Variants in GHR observed in about 807,000 individuals in gnomAD.
GHR encodes the protein growth hormone receptor.
A neutral mutation model predicts 67.1 loss-of-function variants in GHR; 35 were observed. The ratio of observed to expected loss-of-function variants is 0.52; its 90% CI spans 0.40 to 0.69. The LOEUF is 0.69. Among genes scored for constraint, GHR ranks in the 30% least tolerant of loss-of-function variants. GHR has a pLI of 0.00. For synonymous variants in GHR, 272 were observed against 269.1 expected, an observed-to-expected ratio of 1.01 and a Z score of -0.10; for missense variants, 792 against 764.6, an observed-to-expected ratio of 1.04 and a Z score of -0.42.
rs537810885 is a variant in GHR at position 42,571,534 on chromosome 5, G to A, written c.70+5590G>A. 1.1e-4 allele frequency among the ~76,000 whole-genome samples: 16 copies of A among 152,280 alleles called. No individual in the cohort carries two copies. The South Asian group carries it at 3.3e-3, about 32-fold the overall frequency. On this transcript the variant is annotated intron_variant, in intron 2 of 9. Coordinates refer to ENST00000230882, the MANE Select transcript of GHR (RefSeq NM_000163.5). Reference sequence around the variant, plus strand: ...TTGAGAACAGCAGAGCCATGTGCTGGGCAGAGTCTGGGAGGTTGGTTAGGC... The same window carrying A: ...TTGAGAACAGCAGAGCCATGTGCTGAGCAGAGTCTGGGAGGTTGGTTAGGC...
intron 3 of GHR, among the ~76,000 whole-genome samples, chr5:42,686,035 G>T (rs946828382): frequency 6.6e-6 from 1 of 152,138 alleles, no homozygotes; most frequent in African/African-American, 2.4e-5. Flanking sequence ...TTCCTGAATG[G>T]TATTGCCTAG....
At chr5:42,514,335 G>GAT in intron 1 of GHR, 2 of 806,254 alleles carry the variant, frequency 2.5e-6, no homozygotes, top group Middle Eastern at 6.7e-4. Flanking sequence ...CCCTTGTTGA[G>GAT]ATCTCCAGCC....
chr5:42,637,558 C>T (rs992717619), intron 3 of GHR, among the ~76,000 whole-genome samples: 7 of 152,084 alleles, frequency 4.6e-5, no homozygotes, highest in East Asian at 1.9e-4. Flanking sequence ...TATGGTATTT[C>T]GTTTTCTGTT....
chr5:42,552,268 A>C (rs557555180), intron 1 of GHR, among the ~76,000 whole-genome samples: 1 of 152,358 alleles, frequency 6.6e-6, no homozygotes, highest in South Asian at 2.1e-4. Flanking sequence ...CATGTTACAA[A>C]GATAGACTGG....
intron 2 of GHR, among the ~76,000 whole-genome samples, chr5:42,610,156 G>A (rs1173586077): frequency 2.6e-5 from 4 of 152,166 alleles, no homozygotes; most frequent in Non-Finnish European, 5.9e-5. Flanking sequence ...AGGAATGTAA[G>A]GATAGCATGT....
At chr5:42,609,900 G>C (rs931255792) in intron 2 of GHR, among the ~76,000 whole-genome samples, 2 of 152,118 alleles carry the variant, frequency 1.3e-5, no homozygotes, top group Non-Finnish European at 2.9e-5. Context: ...CAGTGACTAA[G>C]AAAAACCTTA....
chr5:42,682,212 G>T (rs555025353), intron 3 of GHR, among the ~76,000 whole-genome samples: 64 of 152,262 alleles, frequency 4.2e-4, no homozygotes, highest in African/African-American at 1.4e-3. Flanking sequence ...TTAACTCATT[G>T]TTCTTAGTGA....
At chr5:42,595,426 A>G (rs945455338) in intron 2 of GHR, among the ~76,000 whole-genome samples, 5 of 152,244 alleles carry the variant, frequency 3.3e-5, no homozygotes, top group African/African-American at 1.2e-4. Context: ...TTTGGCCACC[A>G]GGAAGACAGG....
rs541930376 is a variant in GHR, at chr5:42,474,752, G to A, written c.-12+50797G>A. 3.9e-5 allele frequency among the ~76,000 whole-genome samples: 6 copies of A among 151,922 alleles called. No homozygotes were observed. In the South Asian group the frequency reaches 6.2e-4, roughly 16 times the overall value. On this transcript the variant is annotated intron_variant, in intron 1 of 9. Transcript: ENST00000230882. Reference sequence around the variant, plus strand: ...ATACAAGACAATCAAAGAGGAATGGGTAGTTTTCTAAAGAGTAAAACCTGT... The same window carrying A: ...ATACAAGACAATCAAAGAGGAATGGATAGTTTTCTAAAGAGTAAAACCTGT...
chr5:42,592,093 C>G (rs1328116104), intron 2 of GHR, among the ~76,000 whole-genome samples: 1 of 152,070 alleles, frequency 6.6e-6, no homozygotes, highest in East Asian at 1.9e-4. Flanking sequence ...ACAGTTCCTT[C>G]AAAGGGTCTG....
At chr5:42,675,607 A>C (rs1374789717) in intron 3 of GHR, among the ~76,000 whole-genome samples, 11 of 152,242 alleles carry the variant, frequency 7.2e-5, no homozygotes, top group Non-Finnish European at 2.9e-5. Context: ...AACCAGGATA[A>C]ATTGTATTCA....
At chr5:42,713,793 T>C (rs941627969) in intron 8 of GHR, 5 of 363,274 alleles carry the variant, frequency 1.4e-5, no homozygotes, top group Non-Finnish European at 2.1e-5. Flanking sequence ...TTGTGATATG[T>C]ACCTCTTTAT....
intron 2 of GHR, among the ~76,000 whole-genome samples, chr5:42,609,940 T>A (rs1489512783): frequency 6.6e-6 from 1 of 152,178 alleles, no homozygotes; most frequent in Non-Finnish European, 1.5e-5. Flanking sequence ...TGACTGTCAC[T>A]AAAATGTAAA....
intron 1 of GHR, among the ~76,000 whole-genome samples, chr5:42,504,447 A>C (rs1746670511): frequency 6.6e-6 from 1 of 152,114 alleles, no homozygotes; most frequent in Non-Finnish European, 1.5e-5. Context: ...CTTCAGTATA[A>C]GCAGTATGTT....
At chr5:42,580,501 A>G (rs1751107543) in intron 2 of GHR, among the ~76,000 whole-genome samples, 2 of 152,212 alleles carry the variant, frequency 1.3e-5, no homozygotes, top group South Asian at 4.1e-4. Flanking sequence ...TTAATATTTT[A>G]TATGAGTCTC....
intron 1 of GHR, among the ~76,000 whole-genome samples, chr5:42,505,425 A>G (rs944275035): frequency 1.3e-5 from 2 of 151,864 alleles, no homozygotes; most frequent in African/African-American, 4.8e-5. Flanking sequence ...CACGTACACA[A>G]TGCCCAGCCC....
chr5:42,465,323 A>T, intron 1 of GHR: 1 of 734,978 alleles, frequency 1.4e-6, no homozygotes, highest in Non-Finnish European at 2.4e-6. Flanking sequence ...TTGCATGAAA[A>T]TAAATCTTTA....
At chr5:42,489,442 ATC>A in intron 1 of GHR, among the ~76,000 whole-genome samples, 1 of 152,252 alleles carries the variant, frequency 6.6e-6, no homozygotes, top group Non-Finnish European at 1.5e-5. Flanking sequence ...TGACTGTAAC[ATC>A]TTGGTCTCCA....
chr5:42,593,928 T>C (rs1014855339), intron 2 of GHR, among the ~76,000 whole-genome samples: 1 of 152,194 alleles, frequency 6.6e-6, no homozygotes, highest in African/African-American at 2.4e-5. Flanking sequence ...GTCATTTTTC[T>C]AGTCCAACTT....
Sources: allele counts gnomAD v4.1 joint callset (sites outside exome capture counted in the v4.1 genomes callset), GRCh38; gene constraint gnomAD v4.1.1; transcripts MANE v1.5; gene names NCBI Gene and HGNC (gene_info 2026-07-23, HGNC 2026-07-21).